The following XKR4 variants were observed in gnomAD, a reference collection of about 807,000 sequenced individuals.
XKR4 encodes XK-related protein 4.
Under a neutral mutation model 53.9 loss-of-function variants are expected in XKR4, and 12 were observed. The observed-to-expected ratio is 0.22, with a 90% CI of 0.14 to 0.36. XKR4 has a LOEUF of 0.36. Ranked by LOEUF, XKR4 falls within the 10% of genes least tolerant of loss-of-function variation. The pLI, the probability that XKR4 is intolerant of heterozygous loss-of-function variation, is 1.00. For missense variants in XKR4, 799 were observed against 859.5 expected (o/e 0.93, Z 0.88); for synonymous variants, 354 against 362.4 (o/e 0.98, Z 0.26).
rs1002050577 is a variant in XKR4 at position 55,256,006 on chromosome 8, G to A, written c.807-101672G>A. On this transcript the variant is annotated intron_variant, in intron 1 of 2. Transcript: ENST00000327381. Reference sequence around the variant, plus strand: ...AGGTGTGTCTAGGATGCCGGGGTGCGTCAAGCCCTGGAGTAGAAAAGGGAT... The same window carrying A: ...AGGTGTGTCTAGGATGCCGGGGTGCATCAAGCCCTGGAGTAGAAAAGGGAT... Among the ~76,000 whole-genome samples the A allele has an allele frequency of 4.0e-5, 6 of 151,458 alleles. No homozygotes were observed. In the East Asian group the frequency reaches 5.8e-4, roughly 15 times the overall value.
At chr8:55,167,150 A>G (rs779568642) in intron 1 of XKR4, among the ~76,000 whole-genome samples, 2 of 152,220 alleles carry the variant, frequency 1.3e-5, no homozygotes, top group Admixed American at 6.5e-5. Flanking sequence ...GGATGATGCC[A>G]TGGCTTGAGC....
At chr8:55,234,753 C>A (rs1339180680) in intron 1 of XKR4, among the ~76,000 whole-genome samples, 1 of 152,144 alleles carries the variant, frequency 6.6e-6, no homozygotes, top group Non-Finnish European at 1.5e-5. Flanking sequence ...GGCTCATCAT[C>A]AAGAATACAA....
chr8:55,156,864 C>T (rs116284736), intron 1 of XKR4, among the ~76,000 whole-genome samples: 4,597 of 152,256 alleles, frequency 0.03, 179 homozygotes, highest in East Asian at 0.12. Flanking sequence ...AACACGTTTC[C>T]GTAAACTTTC....
intron 2 of XKR4, among the ~76,000 whole-genome samples, chr8:55,444,710 G>T (rs536020925): frequency 3.9e-5 from 6 of 152,282 alleles, no homozygotes; most frequent in African/African-American, 1.4e-4. Flanking sequence ...GGACTCTTGC[G>T]TACTGCTAAT....
chr8:55,225,850 C>G (rs1817945181), intron 1 of XKR4, among the ~76,000 whole-genome samples: 1 of 152,178 alleles, frequency 6.6e-6, no homozygotes, highest in Non-Finnish European at 1.5e-5. Context: ...TATAATGTCT[C>G]AAGTGTTTTA....
At chr8:55,181,207 T>G (rs967039810) in intron 1 of XKR4, among the ~76,000 whole-genome samples, 2 of 152,206 alleles carry the variant, frequency 1.3e-5, no homozygotes, top group Non-Finnish European at 2.9e-5. Flanking sequence ...AGCATCTAGA[T>G]TCTCCAGCTC....
intron 2 of XKR4, among the ~76,000 whole-genome samples, chr8:55,374,004 C>T (rs190925086): frequency 1.3e-5 from 2 of 152,212 alleles, no homozygotes; most frequent in East Asian, 1.9e-4. Context: ...AGGTCTCTTA[C>T]TCAGGCCAAG....
At chr8:55,327,519 G>A (rs979318613) in intron 1 of XKR4, among the ~76,000 whole-genome samples, 31 of 152,188 alleles carry the variant, frequency 2.0e-4, no homozygotes, top group Admixed American at 1.6e-3. Context: ...TGCTGGAGAT[G>A]GCACAGAGGT....
At chr8:55,147,543 C>A (rs756089347) in intron 1 of XKR4, among the ~76,000 whole-genome samples, 1 of 152,180 alleles carries the variant, frequency 6.6e-6, no homozygotes, top group Non-Finnish European at 1.5e-5. Context: ...TTTTGAGGGG[C>A]CTCCTTGCCT....
intron 1 of XKR4, among the ~76,000 whole-genome samples, chr8:55,103,869 A>T (rs1035386181): frequency 1.4e-5 from 2 of 138,100 alleles, no homozygotes; most frequent in East Asian, 4.2e-4. Context: ...ATATATATAT[A>T]TATATATATA....
At chr8:55,230,323 T>G in intron 1 of XKR4, among the ~76,000 whole-genome samples, 1 of 150,994 alleles carries the variant, frequency 6.6e-6, no homozygotes, top group East Asian at 1.9e-4. Flanking sequence ...TGTTTTAAAT[T>G]ACCATCTATG....
At position 55,457,679 on chromosome 8, in the gene XKR4, A is replaced by T. The variant is rs58070604; in HGVS notation, c.1007-65602A>T. Among the ~76,000 whole-genome samples the T allele has an allele frequency of 3.6e-3, 552 of 152,344 alleles. 4 individuals carry two copies. The highest frequency in any genetic ancestry group is 0.012 in the African/African-American group (517 of 41,568). On this transcript the variant is annotated intron_variant, in intron 2 of 2. Transcript: ENST00000327381. ...AAACTAAAGTTCACGGGGAGAAATG[A>T]AGAGCACTGGAAGTGATAAAATGTA...
chr8:55,265,624 C>A (rs1371087439), intron 1 of XKR4, among the ~76,000 whole-genome samples: 1 of 152,072 alleles, frequency 6.6e-6, no homozygotes, highest in Non-Finnish European at 1.5e-5. Context: ...GAGGCCAAGG[C>A]AGGAGGATTG....
At chr8:55,453,443 T>C in intron 2 of XKR4, 1 of 397,276 alleles carries the variant, frequency 2.5e-6, no homozygotes, top group Non-Finnish European at 5.1e-6. Context: ...CTTCTTGGCC[T>C]CAAGCATCTT....
chr8:55,359,118 G>GA lies in XKR4; in HGVS notation c.1006+1241_1006+1242insA, dbSNP rs1803862188. On this transcript the variant is annotated intron_variant, in intron 2 of 2. Coordinates refer to ENST00000327381, the MANE Select transcript of XKR4 (RefSeq NM_052898.2). ...ATGTATGTTTCTCAATTGCTAGACA[G>GA]CAAATTGGAGGAAGAGGAAAGTGGA... 2.6e-5 allele frequency among the ~76,000 whole-genome samples: 4 copies of GA among 152,238 alleles called. No homozygotes were observed. In the South Asian group the frequency reaches 8.3e-4, roughly 32 times the overall value.
At chr8:55,254,390 C>T (rs1284957125) in intron 1 of XKR4, among the ~76,000 whole-genome samples, 1 of 152,060 alleles carries the variant, frequency 6.6e-6, no homozygotes, top group Admixed American at 6.5e-5. Context: ...TTATCCATGG[C>T]CCACGGTTGT....
chr8:55,460,982 G>C (rs1805647810), intron 2 of XKR4, among the ~76,000 whole-genome samples: 1 of 152,252 alleles, frequency 6.6e-6, no homozygotes, highest in South Asian at 2.1e-4. Flanking sequence ...AAGTGGCCTG[G>C]AAGCTTGAAC....
chr8:55,471,851 G>A (rs1037725124), intron 2 of XKR4, among the ~76,000 whole-genome samples: 1 of 152,214 alleles, frequency 6.6e-6, no homozygotes, highest in African/African-American at 2.4e-5. Flanking sequence ...TGCCATGACT[G>A]GAAACTTCCT....
chr8:55,270,257 C>T (rs750985602), intron 1 of XKR4, among the ~76,000 whole-genome samples: 4 of 152,144 alleles, frequency 2.6e-5, no homozygotes, highest in Non-Finnish European at 5.9e-5. Flanking sequence ...CAGGTCCTTG[C>T]TGTGTGCCTG....
Sources: allele counts gnomAD v4.1 joint callset (sites outside exome capture counted in the v4.1 genomes callset), GRCh38; gene constraint gnomAD v4.1.1; transcripts MANE v1.5; gene names NCBI Gene and HGNC (gene_info 2026-07-23, HGNC 2026-07-21).